Variants in FNDC3A observed in about 807,000 individuals in gnomAD.
The protein encoded by FNDC3A is fibronectin type-III domain-containing protein 3A.
Under a neutral mutation model 148.9 loss-of-function variants are expected in FNDC3A, and 32 were observed. The observed-to-expected ratio is 0.21, with a 90% CI of 0.16 to 0.29. The LOEUF (loss-of-function observed/expected upper bound fraction) is 0.29. Among genes scored for constraint, FNDC3A ranks in the 10% least tolerant of loss-of-function variants. The pLI, the probability that FNDC3A is intolerant of heterozygous loss-of-function variation, is 1.00. For missense variants in FNDC3A, 1,191 were observed against 1,452.8 expected, an observed-to-expected ratio of 0.82 and a Z score of 2.93; for synonymous variants, 472 against 473.6, an observed-to-expected ratio of 1.00 and a Z score of 0.04.
At chr13:49,173,361 A>C (rs969829933) in intron 11 of FNDC3A, among the ~76,000 whole-genome samples, 20 of 152,360 alleles carry the variant, frequency 1.3e-4, no homozygotes, top group African/African-American at 4.1e-4. Context: ...ATTAATTTAG[A>C]AGAAAACTAT....
chr13:49,124,409 G>T (rs1228814826), intron 4 of FNDC3A, among the ~76,000 whole-genome samples: 1 of 151,758 alleles, frequency 6.6e-6, no homozygotes, highest in Non-Finnish European at 1.5e-5. Context: ...GTTGATGGGT[G>T]CAGCAAACCA....
At chr13:49,036,683 A>G (rs1194274752) in intron 2 of FNDC3A, among the ~76,000 whole-genome samples, 2 of 152,194 alleles carry the variant, frequency 1.3e-5, no homozygotes, top group African/African-American at 4.8e-5. Context: ...CATGTAAACA[A>G]CTAAATACAA....
At chr13:48,992,797 A>G (rs1468829168) in intron 1 of FNDC3A, among the ~76,000 whole-genome samples, 1 of 152,142 alleles carries the variant, frequency 6.6e-6, no homozygotes, top group Admixed American at 6.5e-5. Flanking sequence ...GGTTTTTGCC[A>G]TTGCTTTCAA....
At chr13:49,138,455 A>T (rs1019306688) in intron 6 of FNDC3A, among the ~76,000 whole-genome samples, 4 of 152,188 alleles carry the variant, frequency 2.6e-5, no homozygotes, top group Non-Finnish European at 5.9e-5. Context: ...ATGAATAAAA[A>T]TATACTTGAT....
chr13:48,981,243 G>A (rs1309203506), intron 1 of FNDC3A, among the ~76,000 whole-genome samples: 1 of 152,006 alleles, frequency 6.6e-6, no homozygotes, highest in Admixed American at 6.6e-5. Flanking sequence ...AAAGTACCTT[G>A]GATGGTGACT....
intron 1 of FNDC3A, among the ~76,000 whole-genome samples, chr13:48,984,124 T>C (rs7999513): frequency 0.61 from 93,335 of 151,986 alleles, 29,450 homozygotes; most frequent in Non-Finnish European, 0.68. Context: ...AGTAGCAGCC[T>C]AAACTATAAA....
chr13:49,191,667 TAATC>T (rs529560815), intron 19 of FNDC3A, among the ~76,000 whole-genome samples: 126 of 152,334 alleles, frequency 8.3e-4, no homozygotes, highest in South Asian at 7.5e-3. Flanking sequence ...AGAGTTTACT[TAATC>T]AATTTAAGAG....
chr13:49,056,699 T>G (rs1317750906), intron 2 of FNDC3A, among the ~76,000 whole-genome samples: 2 of 152,214 alleles, frequency 1.3e-5, no homozygotes, highest in Admixed American at 6.5e-5. Context: ...TTTAACTATT[T>G]CATTGTTTTG....
intron 5 of FNDC3A, among the ~76,000 whole-genome samples, chr13:49,133,198 G>T (rs992355911): frequency 6.6e-6 from 1 of 152,168 alleles, no homozygotes; most frequent in African/African-American, 2.4e-5. Flanking sequence ...AGATGTTCAT[G>T]CTGTGCTCCA....
intron 8 of FNDC3A, among the ~76,000 whole-genome samples, chr13:49,161,142 G>A (rs146198074): frequency 0.019 from 2,848 of 152,252 alleles, 92 homozygotes; most frequent in African/African-American, 0.063. Context: ...AGGTCCAGTT[G>A]GTGCAGACTT....
intron 2 of FNDC3A, among the ~76,000 whole-genome samples, chr13:49,017,916 G>A (rs1395001858): frequency 2.0e-5 from 3 of 152,172 alleles, no homozygotes; most frequent in South Asian, 2.1e-4. Context: ...CTTTAAGAAT[G>A]TTGGATATTG....
chr13:49,162,737 C>G (rs1354731222), intron 8 of FNDC3A, among the ~76,000 whole-genome samples: 2 of 152,208 alleles, frequency 1.3e-5, no homozygotes, highest in Non-Finnish European at 2.9e-5. Context: ...TTCTCCCCAT[C>G]TTTGTGGTTT....
chr13:49,018,622 C>A (rs578156253), intron 2 of FNDC3A, among the ~76,000 whole-genome samples: 20 of 152,396 alleles, frequency 1.3e-4, no homozygotes, highest in African/African-American at 4.6e-4. Flanking sequence ...ATTCTCTGTC[C>A]AGCTTTGTTC....
At chr13:49,188,856 G>C (rs1195102102) in intron 17 of FNDC3A, among the ~76,000 whole-genome samples, 2 of 152,010 alleles carry the variant, frequency 1.3e-5, no homozygotes, top group Non-Finnish European at 2.9e-5. Context: ...ATTCAGCTTT[G>C]GAAAAACAAA....
chr13:49,065,011 A>T (rs1338009082), intron 2 of FNDC3A, among the ~76,000 whole-genome samples: 1 of 152,184 alleles, frequency 6.6e-6, no homozygotes, highest in Non-Finnish European at 1.5e-5. Context: ...TCAATTCCTG[A>T]TTCAGTTATC....
At chr13:49,003,647 G>A (rs1952168936) in intron 1 of FNDC3A, among the ~76,000 whole-genome samples, 1 of 151,844 alleles carries the variant, frequency 6.6e-6, no homozygotes, top group Admixed American at 6.6e-5. Context: ...ATATTCTTCT[G>A]CATTATCTTT....
intron 2 of FNDC3A, among the ~76,000 whole-genome samples, chr13:49,024,397 C>G (rs1005560579): frequency 2.0e-5 from 3 of 151,850 alleles, no homozygotes; most frequent in Non-Finnish European, 4.4e-5. Flanking sequence ...AACCCTGATA[C>G]CGAAACTGTA....
At chr13:49,155,152 C>A (rs902748637) in intron 8 of FNDC3A, among the ~76,000 whole-genome samples, 6 of 150,888 alleles carry the variant, frequency 4.0e-5, no homozygotes, top group African/African-American at 9.8e-5. Flanking sequence ...TGGTCCTGGA[C>A]TCTTTTTGGT....
intron 3 of FNDC3A, 35 bp downstream of exon 3, chr13:49,075,399 C>T: frequency 5.5e-6 from 7 of 1,262,642 alleles, no homozygotes; most frequent in Non-Finnish European, 8.1e-6. Flanking sequence ...CATTTGAGAC[C>T]AAATAAACCC....
Sources: gnomAD v4.1 joint callset for allele counts (sites outside exome capture counted in the v4.1 genomes callset) on GRCh38, gnomAD v4.1.1 for gene constraint, MANE v1.5 for transcripts, NCBI Gene and HGNC (gene_info 2026-07-23, HGNC 2026-07-21) for gene names.